Variants in PC observed in about 807,000 individuals in gnomAD.
The protein encoded by PC is pyruvate carboxylase, mitochondrial.
Under a neutral mutation model 107.8 loss-of-function variants are expected in PC, and 46 were observed. The ratio of observed to expected loss-of-function variants is 0.43; its 90% CI spans 0.34 to 0.55. The LOEUF (loss-of-function observed/expected upper bound fraction) is 0.55, where lower values mean the gene tolerates loss of function less well. Ranked by LOEUF, PC falls within the 20% of genes least tolerant of loss-of-function variation. The probability of loss-of-function intolerance (pLI) is 0.04; values close to 1 mark genes in which losing one functional copy is unlikely to be tolerated. For missense variants in PC, 1,241 were observed against 1,643.1 expected, an observed-to-expected ratio of 0.76 and a Z score of 4.23; for synonymous variants, 662 against 684.7, an observed-to-expected ratio of 0.97 and a Z score of 0.52.
intron 3 of PC, among the ~76,000 whole-genome samples, chr11:66,885,754 A>G (rs552990446): frequency 6.6e-6 from 1 of 152,310 alleles, no homozygotes; most frequent in Non-Finnish European, 1.5e-5. Flanking sequence ...TCCCAGAGCC[A>G]TCCGAGAGAG....
intron 1 of PC, 198 bp downstream of exon 1, chr11:66,958,124 G>A (rs1281508474): frequency 3.3e-5 from 5 of 151,676 alleles, no homozygotes; most frequent in Non-Finnish European, 5.9e-5. Flanking sequence ...GCGCGAGGGG[G>A]AGGGGCGCCG....
chr11:66,861,551 C>T (rs1946257892), intron 12 of PC, among the ~76,000 whole-genome samples: 1 of 151,384 alleles, frequency 6.6e-6, no homozygotes, highest in African/African-American at 2.4e-5. Context: ...AGGTGGGCTT[C>T]GAGAGCCTGG....
chr11:66,862,778 T>G (rs374004741), intron 12 of PC, among the ~76,000 whole-genome samples: 6 of 151,964 alleles, frequency 3.9e-5, no homozygotes, highest in East Asian at 1.9e-4. Flanking sequence ...CCATTTAGAG[T>G]CCTCATGCCA....
intron 3 of PC, among the ~76,000 whole-genome samples, chr11:66,922,983 C>T (rs7110302): frequency 0.3 from 46,105 of 152,126 alleles, 7,726 homozygotes; most frequent in South Asian, 0.59. Context: ...GACAGAATGG[C>T]CCACCATTGC....
chr11:66,938,234 C>T (rs1056549990), intron 3 of PC, among the ~76,000 whole-genome samples: 8 of 151,984 alleles, frequency 5.3e-5, no homozygotes, highest in South Asian at 2.1e-4. Flanking sequence ...CTTTTTTCTG[C>T]GATTTTTCCT....
At chr11:66,933,873 GCTT>G (rs1948925899) in intron 3 of PC, among the ~76,000 whole-genome samples, 1 of 152,110 alleles carries the variant, frequency 6.6e-6, no homozygotes, top group Non-Finnish European at 1.5e-5. Flanking sequence ...CATCTCAGGG[GCTT>G]CTTATTGTCT....
In PC at chr11:66,865,421, C is replaced by A. The variant is rs994898439; in HGVS notation, c.1185+766G>T. The stretch of plus-strand genomic sequence containing the variant: ...AGTCCCTAGCACAGCTGGCACGGTG[C>A]TGGCAGCACGTGCAGGGCTGGGAAC... On this transcript the variant is annotated intron_variant, in intron 11 of 22. Transcript: ENST00000393960. Among the ~76,000 whole-genome samples, 78 of 152,386 alleles carry A rather than the reference C, an allele frequency of 5.1e-4. 1 individual carries two copies. The highest frequency in any genetic ancestry group is 8.8e-5 in the Non-Finnish European group (6 of 68,040).
Position 66,857,873 on chromosome 11 carries a change from G to C in PC, c.1369-4490C>G. The C allele has an allele frequency of 6.2e-7, 1 of 1,610,468 alleles. No individual in the cohort carries two copies. On this transcript the variant is annotated intron_variant, in intron 12 of 22. Coordinates refer to ENST00000393960, the MANE Select transcript of PC (RefSeq NM_001040716.2). The surrounding 1 kb of genome is among the most constrained non-coding windows in gnomAD (Gnocchi z 7.1). ...CCCACCGAGGCCTGCTGTTTGTGCC[G>C]CCCAACGTGGACCGGCGCACAGTGG...
At chr11:66,913,815 G>A (rs1446853464) in intron 3 of PC, among the ~76,000 whole-genome samples, 1 of 152,118 alleles carries the variant, frequency 6.6e-6, no homozygotes, top group Non-Finnish European at 1.5e-5. Flanking sequence ...TGCAACACCC[G>A]TGGCCAGAAT....
chr11:66,859,586 G>A (rs374875298), intron 12 of PC: 69 of 1,607,586 alleles, frequency 4.3e-5, no homozygotes, highest in Non-Finnish European at 5.5e-5. Context: ...GGGAGGTGAG[G>A]ATGGGGCTAG....
chr11:66,877,776 GA>G (rs1248521441), intron 3 of PC, among the ~76,000 whole-genome samples: 1 of 152,186 alleles, frequency 6.6e-6, no homozygotes, highest in East Asian at 1.9e-4. Context: ...GATGACATGG[GA>G]AATGCTTGTG....
In PC at chr11:66,907,419, C is replaced by T. The variant is rs553164903; in HGVS notation, c.1-35260G>A. Among the ~76,000 whole-genome samples, 6 of 152,220 alleles carry T rather than the reference C, an allele frequency of 3.9e-5. No homozygotes were observed. In the East Asian group the frequency reaches 5.8e-4, roughly 15 times the overall value. On this transcript the variant is annotated intron_variant, in intron 3 of 22. Coordinates refer to ENST00000393960, the MANE Select transcript of PC (RefSeq NM_001040716.2). ...GCACACACGTGTAATCCCAGCTACT[C>T]GGGAGGCTGAGGCAGAAGAATCGCT...
intron 3 of PC, among the ~76,000 whole-genome samples, chr11:66,942,329 G>A (rs1488693915): frequency 1.3e-5 from 2 of 151,206 alleles, no homozygotes; most frequent in African/African-American, 2.4e-5. Context: ...GAACCCGGGA[G>A]GTGGAGCTTG....
chr11:66,927,443 T>C (rs976951126), intron 3 of PC, among the ~76,000 whole-genome samples: 1 of 151,592 alleles, frequency 6.6e-6, no homozygotes, highest in African/African-American at 2.4e-5. Context: ...CCAGGCAAGC[T>C]GGGCGCAGTG....
At chr11:66,882,811 G>T (rs981600523) in intron 3 of PC, among the ~76,000 whole-genome samples, 2 of 152,212 alleles carry the variant, frequency 1.3e-5, no homozygotes, top group Non-Finnish European at 2.9e-5. Flanking sequence ...CGGGCCCCAG[G>T]GCTGGCAGCC....
chr11:66,857,632 C>A lies in PC; in HGVS notation c.1369-4249G>T. The A allele has an allele frequency of 4.0e-6, 5 of 1,252,932 alleles. No individual in the cohort carries two copies. The highest frequency in any genetic ancestry group is 5.4e-6 in the Non-Finnish European group (5 of 930,790). 77.6% of individuals were successfully genotyped at this position (1,252,932 alleles called of 1,614,324 possible). On this transcript the variant is annotated intron_variant, in intron 12 of 22. Transcript: ENST00000393960. The surrounding 1 kb of genome is among the most constrained non-coding windows in gnomAD (Gnocchi z 7.1). Reference sequence around the variant, plus strand: ...CTCTTGGGCCTCTGACCCAGCCCCTCCCCGGGCCAGGCTCACAGAAGCTGG... The same window carrying A: ...CTCTTGGGCCTCTGACCCAGCCCCTACCCGGGCCAGGCTCACAGAAGCTGG...
intron 3 of PC, among the ~76,000 whole-genome samples, chr11:66,929,619 G>A (rs778254260): frequency 9.2e-5 from 14 of 151,992 alleles, no homozygotes; most frequent in East Asian, 1.9e-4. Flanking sequence ...CACCCACCTC[G>A]GCCTCCCAAA....
Position 66,849,514 on chromosome 11 carries a change from C to G in PC, c.3147+97G>C, listed in dbSNP as rs1228866822. On this transcript the variant is annotated intron_variant, in intron 21 of 22. Transcript: ENST00000393960. ...CCCGGTCTCAAGGGTCCTTTCTGCT[C>G]CCAAAGCTTGCGAGGCTGGGTGACA... 3.1e-6 allele frequency: 5 copies of G among 1,609,512 alleles called. No homozygotes were observed. The African/African-American group carries it at 5.3e-5, about 17-fold the overall frequency.
Position 66,850,682 on chromosome 11 carries a change from AG to A in PC, c.2464del (p.Leu822TrpfsTer33). Reference protein sequence around the residue: ...ALVACTRGTPLDTEVPMERVF... With the variant: ...ALVACTRGTPXDTEVPMERVF... ...GCTGCTGTTCTTCCTACCTGTGTCC[AG>A]GGGAGTCCCTCTGGTACAGGCCACC... On this transcript the variant is annotated frameshift_variant, in exon 18 of 23. Coordinates refer to ENST00000393960, the MANE Select transcript of PC (RefSeq NM_001040716.2). LOFTEE classifies it high-confidence loss of function. 6.2e-7 allele frequency: 1 copy of A among 1,609,576 alleles called. No individual in the cohort carries two copies.
Sources: allele counts gnomAD v4.1 joint callset (sites outside exome capture counted in the v4.1 genomes callset), GRCh38; gene constraint gnomAD v4.1.1; non-coding constraint Gnocchi (gnomAD v3.1); transcripts MANE v1.5; gene names NCBI Gene and HGNC (gene_info 2026-07-23, HGNC 2026-07-21).